The following LCLAT1 variants were observed in gnomAD, a reference collection of about 807,000 sequenced individuals.
LCLAT1 encodes 1-AGP acyltransferase 8.
Under a neutral mutation model 30.7 loss-of-function variants are expected in LCLAT1, and 11 were observed. The observed-to-expected ratio is 0.36, with a 90% CI of 0.23 to 0.59. The LOEUF is 0.59. Among genes scored for constraint, LCLAT1 ranks in the 20% least tolerant of loss-of-function variants. The pLI is 0.77. For missense variants in LCLAT1, 402 were observed against 458.6 expected (o/e 0.88, Z 1.13); for synonymous variants, 155 against 151.3 (o/e 1.02, Z -0.18).
intron 3 of LCLAT1, among the ~76,000 whole-genome samples, chr2:30,561,032 C>G (rs1294745169): frequency 6.6e-6 from 1 of 152,124 alleles, no homozygotes; most frequent in African/African-American, 2.4e-5. Context: ...ACCTCTGCCC[C>G]CCGGGTTCAA....
intron 1 of LCLAT1, chr2:30,459,494 G>A (rs829574): frequency 0.78 from 579,429 of 740,750 alleles, 228,727 homozygotes; most frequent in East Asian, 0.91. Flanking sequence ...TGATGAGCCC[G>A]GTGCACTGTT....
chr2:30,481,949 T>G (rs1332398015), intron 1 of LCLAT1, among the ~76,000 whole-genome samples: 2 of 152,218 alleles, frequency 1.3e-5, no homozygotes, highest in African/African-American at 4.8e-5. Flanking sequence ...ATTTAATTGT[T>G]AATTTGAGAG....
At chr2:30,627,477 C>T (rs1668567847) in intron 5 of LCLAT1, among the ~76,000 whole-genome samples, 1 of 152,192 alleles carries the variant, frequency 6.6e-6, no homozygotes, top group Non-Finnish European at 1.5e-5. Context: ...TGTTCGCAGG[C>T]TAGCTGCCCG....
chr2:30,462,608 A>G (rs1333810372), intron 1 of LCLAT1, among the ~76,000 whole-genome samples: 12 of 152,214 alleles, frequency 7.9e-5, no homozygotes, highest in Non-Finnish European at 1.8e-4. Context: ...TTGTCCCCAG[A>G]CAAGTTGAAA....
intron 3 of LCLAT1, among the ~76,000 whole-genome samples, chr2:30,557,606 G>A (rs1031026147): frequency 6.6e-6 from 1 of 151,830 alleles, no homozygotes; most frequent in African/African-American, 2.4e-5. Flanking sequence ...GTAGAGACGG[G>A]GTTTCATCAT....
At chr2:30,493,777 A>G (rs1163375332) in intron 1 of LCLAT1, among the ~76,000 whole-genome samples, 1 of 152,208 alleles carries the variant, frequency 6.6e-6, no homozygotes, top group Non-Finnish European at 1.5e-5. Context: ...TAAATATGAT[A>G]CCAATATAAA....
At chr2:30,596,253 C>A (rs924103797) in intron 5 of LCLAT1, among the ~76,000 whole-genome samples, 2 of 152,152 alleles carry the variant, frequency 1.3e-5, no homozygotes, top group Non-Finnish European at 2.9e-5. Flanking sequence ...TTTACATTCC[C>A]ACCAACAATG....
intron 2 of LCLAT1, among the ~76,000 whole-genome samples, chr2:30,530,650 A>T (rs999274310): frequency 1.3e-5 from 2 of 152,050 alleles, no homozygotes; most frequent in Non-Finnish European, 2.9e-5. Flanking sequence ...GACTCGAGTA[A>T]TCCTTCTGCC....
At chr2:30,468,939 G>A (rs1286444050) in intron 1 of LCLAT1, among the ~76,000 whole-genome samples, 1 of 152,118 alleles carries the variant, frequency 6.6e-6, no homozygotes, top group Non-Finnish European at 1.5e-5. Context: ...TTAAAATTGT[G>A]CCCATGCTAG....
intron 3 of LCLAT1, among the ~76,000 whole-genome samples, chr2:30,557,138 C>A (rs1268219883): frequency 6.6e-6 from 1 of 152,082 alleles, no homozygotes; most frequent in African/African-American, 2.4e-5. Flanking sequence ...TCAGTTCATA[C>A]AAGTTTGGAA....
At chr2:30,619,024 T>A (rs1430582597) in intron 5 of LCLAT1, among the ~76,000 whole-genome samples, 1 of 152,198 alleles carries the variant, frequency 6.6e-6, no homozygotes, top group Non-Finnish European at 1.5e-5. Flanking sequence ...ATATGGCTTC[T>A]TAATGTTATT....
chr2:30,586,094 A>T (rs993108824), intron 5 of LCLAT1, among the ~76,000 whole-genome samples: 1 of 152,092 alleles, frequency 6.6e-6, no homozygotes, highest in African/African-American at 2.4e-5. Flanking sequence ...ATACAAAAAA[A>T]TTAGCCAGAC....
intron 4 of LCLAT1, among the ~76,000 whole-genome samples, chr2:30,563,677 CT>C (rs1665343211): frequency 6.6e-6 from 1 of 152,110 alleles, no homozygotes; most frequent in Admixed American, 6.5e-5. Context: ...AAGGGCAACC[CT>C]TGGAATTTAA....
chr2:30,538,355 A>G (rs932248864), intron 3 of LCLAT1, among the ~76,000 whole-genome samples: 2 of 152,208 alleles, frequency 1.3e-5, no homozygotes, highest in African/African-American at 4.8e-5. Flanking sequence ...AGAGACGATG[A>G]AAAAGAAAAT....
chr2:30,550,208 A>G (rs1253733993), intron 3 of LCLAT1, among the ~76,000 whole-genome samples: 1 of 152,212 alleles, frequency 6.6e-6, no homozygotes, highest in Non-Finnish European at 1.5e-5. Context: ...GAAAATTTGT[A>G]ATAACAGTAC....
At chr2:30,483,264 G>T (rs1273668959) in intron 1 of LCLAT1, among the ~76,000 whole-genome samples, 2 of 151,984 alleles carry the variant, frequency 1.3e-5, no homozygotes, top group African/African-American at 4.8e-5. Flanking sequence ...GAGGTTGGGG[G>T]GATCACTTGA....
intron 1 of LCLAT1, among the ~76,000 whole-genome samples, chr2:30,482,756 A>T (rs10180054): frequency 6.6e-6 from 1 of 151,440 alleles, no homozygotes; most frequent in Non-Finnish European, 1.5e-5. Context: ...CCTGGTCAAC[A>T]TTGTGAAACC....
chr2:30,621,498 A>G (rs576280225), intron 5 of LCLAT1, among the ~76,000 whole-genome samples: 4 of 152,158 alleles, frequency 2.6e-5, no homozygotes, highest in South Asian at 2.1e-4. Context: ...AGAGACTCAC[A>G]TCGTGGGCTT....
At chr2:30,579,805 G>A (rs1307066909) in intron 5 of LCLAT1, among the ~76,000 whole-genome samples, 1 of 152,052 alleles carries the variant, frequency 6.6e-6, no homozygotes, top group African/African-American at 2.4e-5. Flanking sequence ...TAGTATTTAT[G>A]ACTATAAATA....
Sources: gnomAD v4.1 joint callset for allele counts (sites outside exome capture counted in the v4.1 genomes callset) on GRCh38, gnomAD v4.1.1 for gene constraint, MANE v1.5 for transcripts, NCBI Gene and HGNC (gene_info 2026-07-23, HGNC 2026-07-21) for gene names.